The following ZNF804B variants were observed in gnomAD, a reference collection of about 807,000 sequenced individuals.
The protein encoded by ZNF804B is zinc finger 804B.
Under a neutral mutation model 101.4 loss-of-function variants are expected in ZNF804B, and 80 were observed. The ratio of observed to expected loss-of-function variants is 0.79; its 90% CI spans 0.66 to 0.95. The LOEUF (loss-of-function observed/expected upper bound fraction) is 0.95, where lower values mean the gene tolerates loss of function less well. Ranked by LOEUF, ZNF804B falls within the 40% of genes least tolerant of loss-of-function variation. The probability of loss-of-function intolerance (pLI) is 0.00; values close to 1 mark genes in which losing one functional copy is unlikely to be tolerated. For synonymous variants in ZNF804B, 622 were observed against 558.8 expected (o/e 1.11, Z -1.59); for missense variants, 1,673 against 1,561.9 (o/e 1.07, Z -1.20).
At chr7:89,226,414 C>T (rs2115725821) in intron 2 of ZNF804B, among the ~76,000 whole-genome samples, 1 of 152,064 alleles carries the variant, frequency 6.6e-6, no homozygotes, top group Non-Finnish European at 1.5e-5. Context: ...TAGAATTAAA[C>T]TTAATGTTTT....
chr7:89,091,566 T>G (rs1448821551), intron 1 of ZNF804B, among the ~76,000 whole-genome samples: 1 of 152,210 alleles, frequency 6.6e-6, no homozygotes, highest in East Asian at 1.9e-4. Flanking sequence ...TATGGTGGTC[T>G]TGGTCATAAT....
At chr7:89,279,381 A>G (rs1291497200) in intron 2 of ZNF804B, among the ~76,000 whole-genome samples, 3 of 150,760 alleles carry the variant, frequency 2.0e-5, no homozygotes, top group East Asian at 1.9e-4. Context: ...AGAATTTCCA[A>G]CACTATGTTG....
At chr7:89,135,173 G>C (rs2116385135) in intron 1 of ZNF804B, among the ~76,000 whole-genome samples, 1 of 152,048 alleles carries the variant, frequency 6.6e-6, no homozygotes, top group East Asian at 1.9e-4. Flanking sequence ...ACTTACAATA[G>C]AAATCTACAG....
At chr7:89,320,109 G>C (rs1240010830) in intron 2 of ZNF804B, among the ~76,000 whole-genome samples, 1 of 152,030 alleles carries the variant, frequency 6.6e-6, no homozygotes, top group Non-Finnish European at 1.5e-5. Flanking sequence ...GTGATGGGTT[G>C]ATGGGTGCAG....
chr7:89,338,455 TA>T lies in ZNF804B; in HGVS notation c.*1426del, dbSNP rs1791137735. Among the ~76,000 whole-genome samples, 1 of 151,994 alleles carries T rather than the reference TA, an allele frequency of 6.6e-6. No homozygotes were observed. Among genetic ancestry groups the T allele is most frequent in the Admixed American group, 6.6e-5 (1 of 15,236 alleles). On this transcript the variant is annotated 3_prime_UTR_variant, in exon 4 of 4. Coordinates refer to ENST00000333190, the MANE Select transcript of ZNF804B (RefSeq NM_181646.5). ...GATAAGGAAAATGAAATAGAAAGGT[TA>T]AATACTAAATACTTGGTAAACAGTA...
chr7:89,328,343 T>C, intron 3 of ZNF804B, among the ~76,000 whole-genome samples: 1 of 151,946 alleles, frequency 6.6e-6, no homozygotes, highest in East Asian at 1.9e-4. Context: ...ATATTCAGCT[T>C]GCATGTATTT....
intron 1 of ZNF804B, among the ~76,000 whole-genome samples, chr7:89,172,930 TG>T (rs1791259503): frequency 6.6e-6 from 1 of 152,160 alleles, no homozygotes; most frequent in Non-Finnish European, 1.5e-5. Flanking sequence ...TCACAGTGCT[TG>T]GTGAAAACGC....
At position 89,150,574 on chromosome 7, in the gene ZNF804B, A is replaced by G. The variant is rs146759161; in HGVS notation, c.109-67581A>G. 2.0e-3 allele frequency among the ~76,000 whole-genome samples: 301 copies of G among 152,244 alleles called. 1 individual carries two copies. Among genetic ancestry groups the G allele is most frequent in the African/African-American group, 6.8e-3 (282 of 41,564 alleles). ...ATTCCATTTCATCTGGAAAGTGTGAAAGTTTTAAGTGTATATAAAAGATTT... is the reference window on the plus strand; with the variant it reads ...ATTCCATTTCATCTGGAAAGTGTGAGAGTTTTAAGTGTATATAAAAGATTT... On this transcript the variant is annotated intron_variant, in intron 1 of 3. Coordinates refer to ENST00000333190, the MANE Select transcript of ZNF804B (RefSeq NM_181646.5).
intron 2 of ZNF804B, among the ~76,000 whole-genome samples, chr7:89,252,362 G>C (rs183140040): frequency 6.6e-6 from 1 of 152,084 alleles, no homozygotes; most frequent in East Asian, 1.9e-4. Context: ...ATTATTAAAA[G>C]TAAAAAGCAA....
chr7:89,197,535 A>G (rs1209093799), intron 1 of ZNF804B, among the ~76,000 whole-genome samples: 2 of 151,808 alleles, frequency 1.3e-5, no homozygotes, highest in Admixed American at 1.3e-4. Context: ...TGATTATAAT[A>G]TTTTGTATAT....
chr7:88,898,252 A>G (rs1178115933), intron 1 of ZNF804B, among the ~76,000 whole-genome samples: 1 of 151,496 alleles, frequency 6.6e-6, no homozygotes, highest in African/African-American at 2.4e-5. Flanking sequence ...ACGCCCAGCT[A>G]ATTTTTTGTA....
intron 1 of ZNF804B, among the ~76,000 whole-genome samples, chr7:88,964,927 A>G (rs1793433269): frequency 6.6e-6 from 1 of 151,394 alleles, no homozygotes; most frequent in Admixed American, 6.6e-5. Flanking sequence ...TGATTTCCCT[A>G]AGTATATATT....
chr7:89,128,469 T>C (rs982813956), intron 1 of ZNF804B, among the ~76,000 whole-genome samples: 16 of 152,008 alleles, frequency 1.1e-4, no homozygotes, highest in Non-Finnish European at 2.1e-4. Flanking sequence ...CTTTAGCCCA[T>C]CCTTTTATCA....
chr7:89,211,114 T>C (rs1243670785), intron 1 of ZNF804B, among the ~76,000 whole-genome samples: 1 of 152,230 alleles, frequency 6.6e-6, no homozygotes, highest in East Asian at 1.9e-4. Context: ...CTTTCATTCA[T>C]ATGTTTATTG....
At chr7:88,828,109 A>T (rs181576504) in intron 1 of ZNF804B, among the ~76,000 whole-genome samples, 4 of 152,216 alleles carry the variant, frequency 2.6e-5, no homozygotes, top group African/African-American at 9.6e-5. Context: ...AGTCCTTACT[A>T]TGGCCTACAA....
At chr7:88,834,386 T>C (rs1226509011) in intron 1 of ZNF804B, among the ~76,000 whole-genome samples, 1 of 151,892 alleles carries the variant, frequency 6.6e-6, no homozygotes, top group East Asian at 1.9e-4. Context: ...TAATTCGTGC[T>C]TTAGAATTCC....
At chr7:89,250,031 C>CA (rs948109450) in intron 2 of ZNF804B, among the ~76,000 whole-genome samples, 13 of 151,886 alleles carry the variant, frequency 8.6e-5, no homozygotes, top group African/African-American at 2.9e-4. Flanking sequence ...ACTGAAAATA[C>CA]AAAAAAATTA....
chr7:88,955,570 A>G (rs958460965), intron 1 of ZNF804B, among the ~76,000 whole-genome samples: 2 of 151,654 alleles, frequency 1.3e-5, no homozygotes, highest in Non-Finnish European at 3.0e-5. Context: ...ATCATTTTAC[A>G]TTCTACCCAA....
intron 1 of ZNF804B, among the ~76,000 whole-genome samples, chr7:88,967,227 G>A (rs1195753095): frequency 2.2e-5 from 1 of 44,622 alleles, no homozygotes; most frequent in Non-Finnish European, 4.3e-5. Context: ...AGGCTGTACA[G>A]CTGTCATGGC....
Sources: allele counts gnomAD v4.1 joint callset (sites outside exome capture counted in the v4.1 genomes callset), GRCh38; gene constraint gnomAD v4.1.1; transcripts MANE v1.5; gene names NCBI Gene and HGNC (gene_info 2026-07-23, HGNC 2026-07-21).